Variants in DMD observed in about 807,000 individuals in gnomAD.
The protein encoded by DMD is dystrophin.
In DMD, 63 loss-of-function variants were observed where a neutral mutation model predicts 330.1. The ratio of observed to expected loss-of-function variants is 0.19; its 90% CI spans 0.16 to 0.24. DMD has a LOEUF of 0.24. Among genes scored for constraint, DMD ranks in the 10% least tolerant of loss-of-function variants. The probability of loss-of-function intolerance (pLI) is 1.00; values close to 1 mark genes in which losing one functional copy is unlikely to be tolerated. For missense variants in DMD, 3,344 were observed against 2,684.1 expected, an observed-to-expected ratio of 1.25 and a Z score of -5.43; for synonymous variants, 1,223 against 959.8, an observed-to-expected ratio of 1.27 and a Z score of -5.07.
intron 54 of DMD, among the ~76,000 whole-genome samples, chrX:31,649,701 T>C (rs1313988666): frequency 1.8e-5 from 2 of 109,960 alleles, no homozygotes; most frequent in African/African-American, 3.3e-5. Context: ...TTGGGAAGAT[T>C]TGGGTCTCAG....
intron 20 of DMD, among the ~76,000 whole-genome samples, chrX:32,490,600 C>T (rs191396859): frequency 2.7e-5 from 3 of 111,063 alleles, no homozygotes; most frequent in Admixed American, 1.9e-4. Flanking sequence ...TGTCTGACTC[C>T]ATTTCTATGA....
intron 16 of DMD, among the ~76,000 whole-genome samples, chrX:32,564,725 T>C (rs1057419129): frequency 4.5e-5 from 5 of 112,031 alleles, no homozygotes; most frequent in African/African-American, 1.6e-4. Flanking sequence ...TTTATTACGC[T>C]GTCTTAAATT....
chrX:32,132,739 G>A (rs570617321), intron 44 of DMD, among the ~76,000 whole-genome samples: 2 of 110,260 alleles, frequency 1.8e-5, no homozygotes, highest in Admixed American at 1.9e-4. Context: ...GCTAACTTCT[G>A]TTCCTTTTCC....
At chrX:31,562,116 C>T (rs2075231517) in intron 55 of DMD, among the ~76,000 whole-genome samples, 1 of 111,823 alleles carries the variant, frequency 8.9e-6, no homozygotes, top group African/African-American at 3.3e-5. Flanking sequence ...GATATCATCA[C>T]CATTCTTTCA....
rs376513630 is a variant in DMD, at chrX:32,394,921, A to C, written c.4234-4740T>G. Among the ~76,000 whole-genome samples, 80 of 63,734 alleles carry C rather than the reference A, an allele frequency of 1.3e-3. 2 individuals are homozygous for C. Among genetic ancestry groups the C allele is most frequent in the East Asian group, 2.0e-3 (3 of 1,507 alleles). The allele number at this position is 63,734 out of a possible 115,157, so 55.3% of individuals were successfully genotyped here. The stretch of plus-strand genomic sequence containing the variant: ...AAGAGCAAAAAACAAAAAAACAAAA[A>C]AAAAAAAAAAAAGAAAAGAAATCAT... On this transcript the variant is annotated intron_variant, in intron 30 of 78. Transcript: ENST00000357033.
intron 44 of DMD, among the ~76,000 whole-genome samples, chrX:32,165,415 T>C (rs955579861): frequency 1.4e-4 from 16 of 112,496 alleles, no homozygotes; most frequent in Non-Finnish European, 1.9e-5. Context: ...CCCTGATAGA[T>C]TTTGGACTGG....
rs1261007995 is a variant in DMD, at chrX:31,507,391, T to C, written c.8280A>G (p.Gln2760=). The C allele has an allele frequency of 1.7e-6, 2 of 1,211,462 alleles. No homozygotes were observed. The highest frequency in any genetic ancestry group is 3.0e-5 in the East Asian group (1 of 33,855). ...DVYHNLDENS[Q]KILRSLEGSD... ...AACCTTCCAGGGATCTCAGGATTTT[T>C]TGGCTGTTTTCATCCAGGTTGTGAT... is the stretch of plus-strand genomic sequence containing the variant. Residue 2760 remains glutamine, a synonymous_variant, in exon 56 of 79, where the codon CAA becomes CAG. Coordinates refer to ENST00000357033, the MANE Select transcript of DMD (RefSeq NM_004006.3).
rs747502826 is a variant in DMD at position 32,411,725 on chromosome X, T to A, written c.4233+27A>T. On this transcript the variant is annotated intron_variant, in intron 30 of 78. Transcript: ENST00000357033. ...TGTTGAAGTAATAAAAACAAAAGAA[T>A]GGAAGCTGATTCCCAGATGTACTTG... 3 of 1,205,871 alleles carry A rather than the reference T, an allele frequency of 2.5e-6. No individual in the cohort carries two copies. The African/African-American group carries it at 5.3e-5, about 21-fold the overall frequency.
chrX:33,206,651 T>A (rs1316834633), intron 1 of DMD, among the ~76,000 whole-genome samples: 1 of 111,709 alleles, frequency 9.0e-6, no homozygotes, highest in Non-Finnish European at 1.9e-5. Flanking sequence ...AGAAAATTGC[T>A]CTGTGTGTTC....
chrX:33,220,761 A>T (rs930826418), intron 1 of DMD, among the ~76,000 whole-genome samples: 3 of 111,369 alleles, frequency 2.7e-5, no homozygotes, highest in African/African-American at 9.8e-5. Flanking sequence ...GTTTAAATTT[A>T]CTTTATGAAG....
chrX:33,064,149 G>A (rs2094615751), intron 1 of DMD, among the ~76,000 whole-genome samples: 2 of 110,897 alleles, frequency 1.8e-5, no homozygotes, highest in South Asian at 7.7e-4. Flanking sequence ...ATTTCCTGGT[G>A]TAATAACAAT....
At chrX:33,322,684 T>C (rs1188117221) in intron 1 of DMD, among the ~76,000 whole-genome samples, 5 of 111,416 alleles carry the variant, frequency 4.5e-5, no homozygotes, top group Non-Finnish European at 9.4e-5. Flanking sequence ...GATATGACAG[T>C]GAGTCAAGAA....
chrX:32,214,304 A>G (rs1316044882), intron 44 of DMD, among the ~76,000 whole-genome samples: 1 of 110,294 alleles, frequency 9.1e-6, no homozygotes, highest in African/African-American at 3.3e-5. Flanking sequence ...ATTGAAGGAC[A>G]GTGATCCTTG....
At chrX:32,130,327 T>C (rs2096685601) in intron 44 of DMD, among the ~76,000 whole-genome samples, 1 of 111,878 alleles carries the variant, frequency 8.9e-6, no homozygotes, top group Admixed American at 9.5e-5. Context: ...CCCACTACTA[T>C]CAATGCCAGA....
intron 7 of DMD, among the ~76,000 whole-genome samples, chrX:32,714,328 T>C (rs1457675606): frequency 9.0e-6 from 1 of 111,379 alleles, no homozygotes; most frequent in East Asian, 2.8e-4. Flanking sequence ...CTTCCCACTC[T>C]CCCATCTTTT....
intron 60 of DMD, among the ~76,000 whole-genome samples, chrX:31,376,491 G>T (rs1374884884): frequency 9.0e-6 from 1 of 111,649 alleles, no homozygotes; most frequent in African/African-American, 3.3e-5. Context: ...AAAGTGGTTG[G>T]GGAGTTTTTG....
intron 43 of DMD, among the ~76,000 whole-genome samples, chrX:32,252,267 A>G (rs764282725): frequency 1.7e-3 from 185 of 110,459 alleles, no homozygotes; most frequent in African/African-American, 5.8e-3. Flanking sequence ...TCTCTGCTTC[A>G]ATACTTTTCC....
intron 60 of DMD, among the ~76,000 whole-genome samples, chrX:31,384,258 G>A (rs1410656633): frequency 9.0e-6 from 1 of 111,039 alleles, no homozygotes; most frequent in Non-Finnish European, 1.9e-5. Flanking sequence ...CACCGAAGCG[G>A]CTATGCAGTC....
chrX:31,966,956 C>T (rs189243670), intron 45 of DMD, among the ~76,000 whole-genome samples: 142 of 109,561 alleles, frequency 1.3e-3, no homozygotes, highest in Admixed American at 2.3e-3. Context: ...GAATTCTCTC[C>T]GTATATATAT....
Sources: allele counts gnomAD v4.1 joint callset (sites outside exome capture counted in the v4.1 genomes callset), GRCh38; gene constraint gnomAD v4.1.1; transcripts MANE v1.5; gene names NCBI Gene and HGNC (gene_info 2026-07-23, HGNC 2026-07-21).